CHD8: variants seen among roughly 807,000 people sequenced by gnomAD.
The protein encoded by CHD8 is ATP-dependent chromatin remodeler CHD8.
In CHD8, 31 loss-of-function variants were observed where a neutral mutation model predicts 279.2. That is an observed-to-expected ratio of 0.11 (90% confidence interval 0.08 to 0.15). The LOEUF (loss-of-function observed/expected upper bound fraction) is 0.15, where lower values mean the gene tolerates loss of function less well. Among genes scored for constraint, CHD8 ranks in the 10% least tolerant of loss-of-function variants. CHD8 has a pLI of 1.00. For synonymous variants in CHD8, 1,081 were observed against 1,139.6 expected (o/e 0.95, Z 1.04); for missense variants, 2,146 against 3,230.5 (o/e 0.66, Z 8.14).
rs766163773 is a variant in CHD8 at position 21,390,934 on chromosome 14, C to CA, written c.7182+12dup. 5 of 1,380,586 alleles carry CA rather than the reference C, an allele frequency of 3.6e-6. No homozygotes were observed. Among genetic ancestry groups the CA allele is most frequent in the Non-Finnish European group, 5.1e-6 (5 of 979,504 alleles). 85.5% of individuals were successfully genotyped at this position (1,380,586 alleles called of 1,614,324 possible). A position where few individuals can be genotyped will look rare whatever the true frequency, so the allele number is the denominator to read the frequency against. The stretch of plus-strand genomic sequence containing the variant: ...GTGTGGGAATAGAGTGGTAATGCTG[C>CA]AATTTCTCTCACCTTTTTCCCATTT... On this transcript the variant is annotated intron_variant, in intron 37 of 37. Coordinates refer to ENST00000646647, the MANE Select transcript of CHD8 (RefSeq NM_001170629.2).
Position 21,391,833 on chromosome 14 carries a change from C to T in CHD8, c.6885G>A (p.Glu2295=). The change falls in exon 35 of 38, where the codon GAG becomes GAA. Residue 2295 remains glutamate (E), a splice_region_variant and synonymous_variant. Transcript: ENST00000646647. Reference sequence around the variant, plus strand: ...GTTAAAGACTTTCTCTACCACTCACCTCTACTAGCTTCTTTCTGTTCCCCT... The same window carrying T: ...GTTAAAGACTTTCTCTACCACTCACTTCTACTAGCTTCTTTCTGTTCCCCT... ...KKKGNRKKLV[E]LEVECMEEPN... The T allele has an allele frequency of 4.4e-6, 7 of 1,604,154 alleles. No individual in the cohort carries two copies. Among genetic ancestry groups the T allele is most frequent in the Non-Finnish European group, 6.0e-6 (7 of 1,170,894 alleles).
Position 21,405,892 on chromosome 14 carries a change from A to C in CHD8, c.2908-28T>G. On this transcript the variant is annotated intron_variant, in intron 14 of 37. Transcript: ENST00000646647. This position sits in a 1 kb window ranked among gnomAD's most constrained non-coding sequence, Gnocchi z 4.2. ...AGAAATGGAGGAAACAAAAGAATAA[A>C]ATTTAAAAACATGAAGGACTTCTGG... 1 of 1,590,586 alleles carries C rather than the reference A, an allele frequency of 6.3e-7. No individual in the cohort carries two copies. Among genetic ancestry groups the C allele is most frequent in the South Asian group, 1.1e-5 (1 of 87,524 alleles).
intron 37 of CHD8, among the ~76,000 whole-genome samples, chr14:21,390,633 C>T (rs927187817): frequency 2.0e-5 from 3 of 152,034 alleles, no homozygotes; most frequent in Admixed American, 6.5e-5. Context: ...CAAAAATTAG[C>T]CAGGCGCGGT....
At position 21,392,859 on chromosome 14, in the gene CHD8, G is replaced by A. The variant is rs761993643; in HGVS notation, c.6469-50C>T. ...CATTTTAAGAGTCTGAGTACTAGCT[G>A]TGTGATCCTGTGATACTCAATAGTG... On this transcript the variant is annotated intron_variant, in intron 33 of 37. Transcript: ENST00000646647. 5.8e-6 allele frequency: 9 copies of A among 1,551,562 alleles called. No homozygotes were observed. The African/African-American group carries it at 8.1e-5, about 14-fold the overall frequency.
Position 21,394,112 on chromosome 14 carries a change from G to A in CHD8, c.5683C>T (p.Arg1895Cys), listed in dbSNP as rs200514547. 344 of 1,613,510 alleles carry A rather than the reference G, an allele frequency of 2.1e-4. No homozygotes were observed. Among genetic ancestry groups the A allele is most frequent in the Admixed American group, 2.8e-4 (17 of 59,968 alleles). Residue 1895 changes from arginine (R) to cysteine (C), a missense_variant, in exon 32 of 38, where the codon CGC (arginine) becomes TGC (cysteine). Transcript: ENST00000646647. The stretch of plus-strand genomic sequence containing the variant: ...TGGCATAAAACTTGTTCCCGTAAGC[G>A]CCGAAGCAATTCTATACGGTAGAGA... ...RTLYRIELLR[R>C]LREQVLCHPL...
intron 33 of CHD8, 72 bp downstream of exon 33, chr14:21,393,034 C>A: frequency 6.7e-7 from 1 of 1,492,126 alleles, no homozygotes; most frequent in South Asian, 1.3e-5. Context: ...ACCATATGTT[C>A]CTTTTTCCCC....
In CHD8 at chr14:21,391,035, C is replaced by T. The variant is rs752374375; in HGVS notation, c.7094G>A (p.Trp2365Ter). Residue 2365 changes from tryptophan (W) to a stop codon, truncating the protein, a stop_gained, in exon 37 of 38, where the codon TGG becomes TAG. Coordinates refer to ENST00000646647, the MANE Select transcript of CHD8 (RefSeq NM_001170629.2). LOFTEE classifies it high-confidence loss of function. Reference protein sequence around the residue: ...AYMEDRRKQKWQRCKKNNKAE... With the variant: ...AYMEDRRKQK ...CTTATTATTTTTTTTACATCTTTGC[C>T]ACTTCTGTTTTCTGCGATCCTCCAT... 1 of 1,593,478 alleles carries T rather than the reference C, an allele frequency of 6.3e-7. No individual in the cohort carries two copies. Among genetic ancestry groups the T allele is most frequent in the Non-Finnish European group, 8.6e-7 (1 of 1,169,004 alleles).
chr14:21,400,938 T>C lies in CHD8; in HGVS notation c.4307A>G (p.Asp1436Gly). ...DDERPRSRRH[D>G]RHHAYGRTDC... Reference sequence around the variant, plus strand: ...AGTGCGCCCATAGGCATGATGACGGTCATGTCTGCGGGAGCGTGGCCGCTC... The same window carrying C: ...AGTGCGCCCATAGGCATGATGACGGCCATGTCTGCGGGAGCGTGGCCGCTC... Residue 1436 changes from aspartate (D) to glycine (G), a missense_variant, in exon 22 of 38, where the codon GAC becomes GGC. Physicochemically the swap from Asp to Gly is moderately conservative, Grantham distance 94. This residue lies in a region of CHD8 where 74 missense variants were observed against 91.5 expected (regional missense o/e 0.81). Transcript: ENST00000646647. This position sits in a 1 kb window ranked among gnomAD's most constrained non-coding sequence, Gnocchi z 4.2. The C allele has an allele frequency of 2.5e-6, 4 of 1,613,882 alleles. No individual in the cohort carries two copies. The highest frequency in any genetic ancestry group is 3.4e-6 in the Non-Finnish European group (4 of 1,179,824).
intron 1 of CHD8, among the ~76,000 whole-genome samples, chr14:21,434,039 C>CTTT (rs57822562): frequency 6.3e-4 from 73 of 115,870 alleles, no homozygotes; most frequent in Non-Finnish European, 9.2e-4. Context: ...GTGAAAGTTT[C>CTTT]TTTTTTTTTT....
Position 21,431,804 on chromosome 14 carries a change from T to A in CHD8, c.-161A>T, listed in dbSNP as rs767547531. 2 of 1,613,588 alleles carry A rather than the reference T, an allele frequency of 1.2e-6. No individual in the cohort carries two copies. Among genetic ancestry groups the A allele is most frequent in the South Asian group, 2.2e-5 (2 of 91,072 alleles). The stretch of plus-strand genomic sequence containing the variant: ...CAAGAAACAAGTGCATGTCAGATTG[T>A]CCTGACCTTCATGGAGCAAGATGGC... On this transcript the variant is annotated 5_prime_UTR_variant, in exon 2 of 38. Transcript: ENST00000646647.
intron 8 of CHD8, 98 bp downstream of exon 8, chr14:21,414,840 C>T (rs1302607473): frequency 2.2e-5 from 19 of 846,916 alleles, no homozygotes; most frequent in Non-Finnish European, 2.9e-5. Context: ...GGCTACAAGA[C>T]TATAAAAAAG....
Position 21,385,307 on chromosome 14 carries a change from C to T in CHD8, c.*306G>A. The T allele has an allele frequency of 2.8e-6, 1 of 361,670 alleles. No homozygotes were observed. The highest frequency in any genetic ancestry group is 4.8e-5 in the East Asian group (1 of 20,920). 22.4% of individuals were successfully genotyped at this position (361,670 alleles called of 1,614,324 possible). A position where few individuals can be genotyped will look rare whatever the true frequency, so the allele number is the denominator to read the frequency against. On this transcript the variant is annotated 3_prime_UTR_variant, in exon 38 of 38. Transcript: ENST00000646647. ...GAACAGGCTCTGCCAGAGGCTAGGG[C>T]CAGCGCTACATAGTCTGTGGTTAAT...
chr14:21,387,992 C>A (rs1887349900), intron 37 of CHD8, among the ~76,000 whole-genome samples: 1 of 152,044 alleles, frequency 6.6e-6, no homozygotes, highest in Admixed American at 6.6e-5. Context: ...AAATTAAAGA[C>A]AGAGATGGCA....
chr14:21,436,257 T>G (rs765563065), intron 1 of CHD8, among the ~76,000 whole-genome samples: 1 of 152,320 alleles, frequency 6.6e-6, no homozygotes, highest in African/African-American at 2.4e-5. Flanking sequence ...CAGTTGCAGA[T>G]AGACATAAAT....
rs573661662 is a variant in CHD8, at chr14:21,385,697, A to G, written c.7662T>C (p.Tyr2554=). Residue 2554 remains tyrosine (Y), a synonymous_variant, in exon 38 of 38, where the codon TAT becomes TAC. Transcript: ENST00000646647. ...EEDDDDLSQG[Y]DSSERDFSLI... is the part of the protein sequence containing the mutation. ...GTGAGAAGTCCCTTTCTGAGCTATC[A>G]TAGCCCTGAGATAAGTCATCATCAT... The G allele has an allele frequency of 3.9e-6, 6 of 1,551,942 alleles. No individual in the cohort carries two copies. The highest frequency in any genetic ancestry group is 3.9e-5 in the Admixed American group (2 of 50,996).
chr14:21,390,770 A>C (rs1432280491), intron 37 of CHD8, among the ~76,000 whole-genome samples, 177 bp downstream of exon 37: 3 of 7,908 alleles, frequency 3.8e-4, no homozygotes, highest in South Asian at 0.026. Context: ...CTCCGTCTCA[A>C]AAAAAAAAAA....
rs1031015391 is a variant in CHD8, at chr14:21,408,166, C to A, written c.2730+146G>T. ...AAAAAATGCCCTGCACACTGCTATA[C>A]AAAAATGCCTTAAACCATAGGCATT... On this transcript the variant is annotated intron_variant, in intron 13 of 37. Transcript: ENST00000646647. The surrounding 1 kb of genome is among the most constrained non-coding windows in gnomAD (Gnocchi z 4.3). 5 of 960,522 alleles carry A rather than the reference C, an allele frequency of 5.2e-6. No homozygotes were observed. The highest frequency in any genetic ancestry group is 3.0e-6 in the Non-Finnish European group (2 of 656,682). 59.5% of individuals were successfully genotyped at this position (960,522 alleles called of 1,614,324 possible).
At chr14:21,398,670 G>A (rs112247277) in intron 26 of CHD8, 1 of 152,144 alleles carries the variant, frequency 6.6e-6, no homozygotes, top group East Asian at 1.9e-4. Flanking sequence ...GAAAGTTAAC[G>A]CTTACTGTTT....
rs772298417 is a variant in CHD8, at chr14:21,428,060, C to T, written c.1410G>A (p.Ala470=). The change falls in exon 4 of 38, where the codon GCG becomes GCA. Residue 470 remains alanine (A), a synonymous_variant. Coordinates refer to ENST00000646647, the MANE Select transcript of CHD8 (RefSeq NM_001170629.2). ...KANRIVAEAI[A]RARARGEQNI... is the part of the protein sequence containing the mutation. ...TCTGCTCACCGCGGGCACGGGCTCT[C>T]GCAATGGCCTCTGCTACAATCCGAT... 2.2e-5 allele frequency: 35 copies of T among 1,614,042 alleles called. No individual in the cohort carries two copies. Among genetic ancestry groups the T allele is most frequent in the African/African-American group, 5.3e-5 (4 of 75,042 alleles).
Sources: allele counts gnomAD v4.1 joint callset (sites outside exome capture counted in the v4.1 genomes callset), GRCh38; gene constraint gnomAD v4.1.1; regional missense constraint gnomAD v4.1.1; non-coding constraint Gnocchi (gnomAD v3.1); transcripts MANE v1.5; gene names NCBI Gene and HGNC (gene_info 2026-07-23, HGNC 2026-07-21).